EGF: variants seen among roughly 807,000 people sequenced by gnomAD.
EGF encodes the protein pro-epidermal growth factor.
In EGF, 95 loss-of-function variants were observed where a neutral mutation model predicts 143.8. That is an observed-to-expected ratio of 0.66 (90% CI 0.56 to 0.78). The LOEUF (loss-of-function observed/expected upper bound fraction) is 0.78. EGF is among the 30% of genes least tolerant of loss of function. The pLI, the probability that EGF is intolerant of heterozygous loss-of-function variation, is 0.00. For missense variants in EGF, 1,320 were observed against 1,470.9 expected (o/e 0.90, Z 1.68); for synonymous variants, 510 against 510.5 (o/e 1.00, Z 0.01).
In EGF at chr4:110,004,215, T is replaced by C. The variant is rs56310546; in HGVS notation, c.3174-290T>C. 26,962 of 356,494 alleles carry C rather than the reference T, an allele frequency of 0.076. 1,079 individuals are homozygous for C. Among genetic ancestry groups the C allele is most frequent in the African/African-American group, 0.23 (7,007 of 30,646 alleles). 22.1% of individuals were successfully genotyped at this position (356,494 alleles called of 1,614,324 possible). ...TCCCCCCAACATACATGGGCATACATACACACACACACACACACACACACA... is the reference window on the plus strand; with the variant it reads ...TCCCCCCAACATACATGGGCATACACACACACACACACACACACACACACA... On this transcript the variant is annotated intron_variant, in intron 21 of 23. Coordinates refer to ENST00000265171, the MANE Select transcript of EGF (RefSeq NM_001963.6).
chr4:109,983,369 T>G, intron 15 of EGF, 53 bp from the exon 16 acceptor site: 1 of 1,596,198 alleles, frequency 6.3e-7, no homozygotes, highest in Non-Finnish European at 8.6e-7. Context: ...AAATCAAACT[T>G]TTTTTTTGAA....
intron 12 of EGF, 75 bp from the exon 13 acceptor site, chr4:109,975,937 A>G: frequency 6.7e-7 from 1 of 1,486,658 alleles, no homozygotes. Context: ...ATTTACATTG[A>G]TATTTTCAAT....
At chr4:109,977,318 A>G (rs1166453796) in intron 13 of EGF, 1 of 152,170 alleles carries the variant, frequency 6.6e-6, no homozygotes, top group Non-Finnish European at 1.5e-5. Flanking sequence ...TTGGCTTAAG[A>G]TAAGTATAAT....
At chr4:109,990,781 A>G (rs1750821696) in intron 18 of EGF, among the ~76,000 whole-genome samples, 1 of 152,086 alleles carries the variant, frequency 6.6e-6, no homozygotes, top group African/African-American at 2.4e-5. Context: ...GTGGAGAGAG[A>G]GAGAAAGGGA....
At chr4:110,005,198 G>T (rs960666361) in intron 22 of EGF, among the ~76,000 whole-genome samples, 1 of 150,842 alleles carries the variant, frequency 6.6e-6, no homozygotes, top group African/African-American at 2.4e-5. Context: ...GGCACACACC[G>T]CCACGCCCAG....
rs1331708262 is a variant in EGF at position 109,944,173 on chromosome 4, T to C, written c.737+104T>C. 3.1e-6 allele frequency: 4 copies of C among 1,296,104 alleles called. No individual in the cohort carries two copies. In the East Asian group the frequency reaches 7.5e-5, roughly 24 times the overall value. The allele number at this position is 1,296,104 out of a possible 1,614,324, so 80.3% of individuals were successfully genotyped here. A position where few individuals can be genotyped will look rare whatever the true frequency, so the allele number is the denominator to read the frequency against. ...GGAACTGGTATAGTGGTTTAGGCCA[T>C]AGATTTTGAATCCAAAAGACTTGAG... On this transcript the variant is annotated intron_variant, in intron 4 of 23. Transcript: ENST00000265171.
At chr4:109,963,958 GT>G (rs1484210556) in intron 9 of EGF, among the ~76,000 whole-genome samples, 1 of 152,114 alleles carries the variant, frequency 6.6e-6, no homozygotes, top group African/African-American at 2.4e-5. Flanking sequence ...ATTATCAAGG[GT>G]CTTGCTATTA....
chr4:109,943,672 C>T (rs1239169356), intron 3 of EGF, among the ~76,000 whole-genome samples, 170 bp from the exon 4 acceptor site: 1 of 151,498 alleles, frequency 6.6e-6, no homozygotes, highest in African/African-American at 2.4e-5. Context: ...CCCTTTCTAA[C>T]TTGAAATCAC....
chr4:109,917,356 AG>A (rs2125923578), intron 1 of EGF, among the ~76,000 whole-genome samples: 1 of 152,380 alleles, frequency 6.6e-6, no homozygotes, highest in East Asian at 1.9e-4. Flanking sequence ...TTCTATCAAA[AG>A]TAAACAGACT....
chr4:109,993,163 C>T (rs1751273356), intron 18 of EGF, 84 bp from the exon 19 acceptor site: 1 of 1,578,382 alleles, frequency 6.3e-7, no homozygotes, highest in East Asian at 2.3e-5. Context: ...GCTGATGAAG[C>T]TCCTCTTCCA....
At chr4:110,001,740 A>C (rs146446731) in intron 21 of EGF, 13 of 985,468 alleles carry the variant, frequency 1.3e-5, no homozygotes, top group Middle Eastern at 5.2e-4. Flanking sequence ...CTTTACATAC[A>C]TATAAGAGTA....
intron 16 of EGF, among the ~76,000 whole-genome samples, chr4:109,985,451 C>T (rs999518056): frequency 6.6e-6 from 1 of 152,220 alleles, no homozygotes; most frequent in Non-Finnish European, 1.5e-5. Context: ...AACCTTTAGA[C>T]ACCTCCCCAG....
At chr4:109,958,990 G>T in intron 5 of EGF, 1 of 301,916 alleles carries the variant, frequency 3.3e-6, no homozygotes, top group Non-Finnish European at 6.3e-6. Context: ...TATTTCATTT[G>T]CAGAATGTGT....
At chr4:109,931,446 T>C (rs1739673787) in intron 1 of EGF, among the ~76,000 whole-genome samples, 1 of 152,198 alleles carries the variant, frequency 6.6e-6, no homozygotes, top group African/African-American at 2.4e-5. Flanking sequence ...TATCTTGACA[T>C]GTGACAACCC....
intron 18 of EGF, among the ~76,000 whole-genome samples, chr4:109,989,558 G>T (rs572359671): frequency 1.3e-5 from 2 of 152,254 alleles, no homozygotes; most frequent in African/African-American, 2.4e-5. Flanking sequence ...TTTTGAATCT[G>T]GTTGATTTAA....
intron 20 of EGF, among the ~76,000 whole-genome samples, chr4:109,997,316 T>G (rs1283632404): frequency 1.3e-5 from 2 of 152,156 alleles, no homozygotes; most frequent in African/African-American, 4.8e-5. Context: ...CAGAATCTTG[T>G]AGCCTCCAGC....
intron 5 of EGF, among the ~76,000 whole-genome samples, chr4:109,955,833 C>T (rs1181341180): frequency 6.6e-6 from 1 of 152,106 alleles, no homozygotes; most frequent in African/African-American, 2.4e-5. Flanking sequence ...GTGAATAGGG[C>T]ACATGCCTTA....
intron 11 of EGF, among the ~76,000 whole-genome samples, chr4:109,969,700 C>T (rs1747264139): frequency 6.6e-6 from 1 of 152,098 alleles, no homozygotes; most frequent in Non-Finnish European, 1.5e-5. Context: ...ATTCTCGGAG[C>T]ATCTGCTATG....
At chr4:109,973,246 C>A (rs2237048) in intron 11 of EGF, among the ~76,000 whole-genome samples, 3 of 152,138 alleles carry the variant, frequency 2.0e-5, no homozygotes, top group Admixed American at 2.0e-4. Flanking sequence ...TGTTTTATCT[C>A]CTCACCGTCA....
Sources: allele counts gnomAD v4.1 joint callset (sites outside exome capture counted in the v4.1 genomes callset), GRCh38; gene constraint gnomAD v4.1.1; transcripts MANE v1.5; gene names NCBI Gene and HGNC (gene_info 2026-07-23, HGNC 2026-07-21).